TRRAP: variants seen among roughly 807,000 people sequenced by gnomAD.
The protein encoded by TRRAP is transformation/transcription domain associated protein, also known as transformation/transcription domain-associated protein.
In TRRAP, 41 loss-of-function variants were observed where a neutral mutation model predicts 438.8. That is an observed-to-expected ratio of 0.09 (90% CI 0.07 to 0.12). The LOEUF (loss-of-function observed/expected upper bound fraction) is 0.12, where lower values mean the gene tolerates loss of function less well. Ranked by LOEUF, TRRAP falls within the 10% of genes least tolerant of loss-of-function variation. The probability of loss-of-function intolerance (pLI) is 1.00; values close to 1 mark genes in which losing one functional copy is unlikely to be tolerated. For missense variants in TRRAP, 3,122 were observed against 5,055.1 expected, an observed-to-expected ratio of 0.62 and a Z score of 11.60; for synonymous variants, 1,994 against 1,962.9, an observed-to-expected ratio of 1.02 and a Z score of -0.42.
chr7:98,949,815 GGCCTACT>G lies in TRRAP; in HGVS notation c.5114_5120del (p.Tyr1705CysfsTer2). The G allele has an allele frequency of 6.2e-7, 1 of 1,613,618 alleles. No homozygotes were observed. The highest frequency in any genetic ancestry group is 1.3e-5 in the African/African-American group (1 of 75,048). On this transcript the variant is annotated frameshift_variant, in exon 37 of 73. Coordinates refer to ENST00000456197, the MANE Select transcript of TRRAP (RefSeq NM_001375524.1). LOFTEE classifies it high-confidence loss of function. ...CCAACTGGAAGGAGCCCAAGCTGCTGGCCTACTGCCTGCTGAACTACTGCAAGTGGGT... is the reference window on the plus strand; with the variant it reads ...CCAACTGGAAGGAGCCCAAGCTGCTGGCCTGCTGAACTACTGCAAGTGGGT...
Position 98,994,715 on chromosome 7 carries a change from T to C in TRRAP, c.10176T>C (p.Phe3392=). ...LNFVKKLVST[F]GVGLENVSNV... ...TTGTGAAGAAGTTGGTGAGCACGTTTGGGGTGGGCCTGGAGAATGTGTCCA... is the reference window on the plus strand; with the variant it reads ...TTGTGAAGAAGTTGGTGAGCACGTTCGGGGTGGGCCTGGAGAATGTGTCCA... The change falls in exon 67 of 73, where the codon TTT becomes TTC. Residue 3392 remains phenylalanine, a synonymous_variant. Transcript: ENST00000456197. The surrounding 1 kb of genome is among the most constrained non-coding windows in gnomAD (Gnocchi z 4.8). 1 of 1,614,226 alleles carries C rather than the reference T, an allele frequency of 6.2e-7. No homozygotes were observed. The highest frequency in any genetic ancestry group is 1.1e-5 in the South Asian group (1 of 91,082).
chr7:98,911,378 T>C, intron 17 of TRRAP, 107 bp downstream of exon 17: 1 of 1,133,606 alleles, frequency 8.8e-7, no homozygotes, highest in Admixed American at 3.0e-5. Context: ...TAGCCAAGGA[T>C]GTGCTTATAG....
At chr7:98,940,697 T>G (rs1267205645) in intron 30 of TRRAP, among the ~76,000 whole-genome samples, 1 of 152,188 alleles carries the variant, frequency 6.6e-6, no homozygotes. Context: ...ACTGGAGGAG[T>G]TTGCATCCAG....
At chr7:98,889,313 G>T (rs1554404441) in intron 3 of TRRAP, among the ~76,000 whole-genome samples, 1 of 152,086 alleles carries the variant, frequency 6.6e-6, no homozygotes, top group African/African-American at 2.4e-5. Flanking sequence ...ACATGTAAGT[G>T]CTCTGTAAAT....
chr7:98,959,316 G>A (rs186287732), intron 44 of TRRAP, 28 bp from the exon 45 acceptor site: 1 of 1,610,544 alleles, frequency 6.2e-7, no homozygotes, highest in East Asian at 2.2e-5. Flanking sequence ...GCAGTGAAAT[G>A]CCGGCTGTAA....
intron 1 of TRRAP, 138 bp downstream of exon 1, chr7:98,878,775 A>G (rs1024499595): frequency 6.6e-6 from 1 of 151,876 alleles, no homozygotes; most frequent in African/African-American, 2.4e-5. Flanking sequence ...CCTAGGCCCC[A>G]GCCAGAGCCC....
chr7:98,999,924 A>C (rs991726996), intron 67 of TRRAP: 2 of 308,734 alleles, frequency 6.5e-6, no homozygotes, highest in Non-Finnish European at 1.2e-5. Context: ...GTCTTCTGAC[A>C]ACATTTAATT....
At chr7:99,010,039 G>T (rs1395253279) in intron 70 of TRRAP, among the ~76,000 whole-genome samples, 1 of 151,832 alleles carries the variant, frequency 6.6e-6, no homozygotes, top group Non-Finnish European at 1.5e-5. Context: ...AGGTGCCTGT[G>T]ACCACACCTG....
chr7:98,970,051 C>A, intron 51 of TRRAP, 61 bp from the exon 52 acceptor site: 2 of 1,578,336 alleles, frequency 1.3e-6, no homozygotes, highest in South Asian at 1.2e-5. Flanking sequence ...GGAGAGAAGT[C>A]CAGATGCCCT....
chr7:98,943,082 G>A (rs2116574491), intron 31 of TRRAP, 65 bp downstream of exon 31: 1 of 1,556,814 alleles, frequency 6.4e-7, no homozygotes. Context: ...CTAATGCCGG[G>A]ACAGTGCTTT....
intron 40 of TRRAP, among the ~76,000 whole-genome samples, chr7:98,954,036 G>A (rs1554418917): frequency 6.6e-6 from 1 of 152,228 alleles, no homozygotes; most frequent in Non-Finnish European, 1.5e-5. Flanking sequence ...TAATATTCAA[G>A]GGCCCCAGCC....
In TRRAP at chr7:98,950,875, G is replaced by T; in HGVS notation, c.5335-1G>T. 1 of 1,524,704 alleles carries T rather than the reference G, an allele frequency of 6.6e-7. No homozygotes were observed. The highest frequency in any genetic ancestry group is 8.8e-7 in the Non-Finnish European group (1 of 1,140,440). 94.4% of individuals were successfully genotyped at this position (1,524,704 alleles called of 1,614,324 possible). A position where few individuals can be genotyped will look rare whatever the true frequency, so the allele number is the denominator to read the frequency against. ...CTTCTTTATTTAAATTTTTTTTGTA[G>T]GTTCTGCAGCATATCTTGAATCCTG... On this transcript the variant is annotated splice_acceptor_variant, in intron 38 of 72. Transcript: ENST00000456197. LOFTEE classifies it high-confidence loss of function.
At chr7:98,979,292 C>T (rs1792806832) in intron 58 of TRRAP, among the ~76,000 whole-genome samples, 1 of 152,136 alleles carries the variant, frequency 6.6e-6, no homozygotes, top group Non-Finnish European at 1.5e-5. Context: ...TACCAAAATC[C>T]ACGGACACTC....
At position 98,911,254 on chromosome 7, in the gene TRRAP, A is replaced by G; in HGVS notation, c.1990A>G (p.Lys664Glu). The stretch of plus-strand genomic sequence containing the variant: ...CCCTTATATGGTGGAGAGAATCTCA[A>G]AAAATTATGCTCTTCAGGTATAAAA... ...TVPYMVERIS[K>E]NYALQIVANS... The change falls in exon 17 of 73, where the codon AAA becomes GAA. Residue 664 changes from lysine (K) to glutamate (E), a missense_variant. By Grantham distance (56) the Lys-to-Glu change is moderately conservative. Transcript: ENST00000456197. The G allele has an allele frequency of 6.2e-7, 1 of 1,612,054 alleles. No individual in the cohort carries two copies. Among genetic ancestry groups the G allele is most frequent in the Non-Finnish European group, 8.5e-7 (1 of 1,179,030 alleles).
Position 99,012,220 on chromosome 7 carries a change from C to A in TRRAP, c.11487C>A (p.Val3829=). The A allele has an allele frequency of 6.2e-7, 1 of 1,614,126 alleles. No homozygotes were observed. Reference sequence around the variant, plus strand: ...TGGTGTCCCTGGTTCAGAAAGCCGTCACCGCCATCATGACCCGCCTGCACA... The same window carrying A: ...TGGTGTCCCTGGTTCAGAAAGCCGTAACCGCCATCATGACCCGCCTGCACA... ...QQLVSLVQKA[V]TAIMTRLHNL... The change falls in exon 73 of 73, where the codon GTC becomes GTA. Residue 3829 remains valine (V), a synonymous_variant. Coordinates refer to ENST00000456197, the MANE Select transcript of TRRAP (RefSeq NM_001375524.1). The surrounding 1 kb of genome is among the most constrained non-coding windows in gnomAD (Gnocchi z 5.9).
At chr7:98,982,847 C>G (rs538919894) in intron 59 of TRRAP, among the ~76,000 whole-genome samples, 3 of 152,242 alleles carry the variant, frequency 2.0e-5, no homozygotes, top group African/African-American at 7.2e-5. Flanking sequence ...TTAGCAGGCA[C>G]GTTGGGAAAA....
Position 98,950,120 on chromosome 7 carries a change from G to T in TRRAP, c.5192G>T (p.Arg1731Leu). ...LFQLLRAFTG[R>L]FLCNMTFLKE... is the part of the protein sequence containing the mutation. ...CAGCTGCTCCGAGCCTTTACTGGTC[G>T]TTTTCTCTGCAACATGACATTCTTA... Residue 1731 changes from arginine to leucine, a missense_variant, in exon 38 of 73, where the codon CGT (arginine) becomes CTT (leucine). Around this residue, in one of 24 missense-constraint regions of TRRAP, gnomAD observed 272 missense variants for 348.5 expected, o/e 0.78. Coordinates refer to ENST00000456197, the MANE Select transcript of TRRAP (RefSeq NM_001375524.1). The T allele has an allele frequency of 1.2e-6, 2 of 1,614,216 alleles. No homozygotes were observed. Among genetic ancestry groups the T allele is most frequent in the Middle Eastern group, 3.3e-4 (2 of 6,062 alleles).
Position 99,011,966 on chromosome 7 carries a change from G to A in TRRAP, c.11338-105G>A, listed in dbSNP as rs1194021736. On this transcript the variant is annotated intron_variant, in intron 72 of 72. Coordinates refer to ENST00000456197, the MANE Select transcript of TRRAP (RefSeq NM_001375524.1). The surrounding 1 kb of genome is among the most constrained non-coding windows in gnomAD (Gnocchi z 7.1). ...GGTGCTGAAACTCGACTGGCCCTTG[G>A]TGGCCCTGAGCGGCCGCTGTGGTTG... is the stretch of plus-strand genomic sequence containing the variant. The A allele has an allele frequency of 4.9e-6, 7 of 1,434,646 alleles. No homozygotes were observed. Among genetic ancestry groups the A allele is most frequent in the African/African-American group, 2.8e-5 (2 of 71,180 alleles). The allele number at this position is 1,434,646 out of a possible 1,614,324, so 88.9% of individuals were successfully genotyped here. A position where few individuals can be genotyped will look rare whatever the true frequency, so the allele number is the denominator to read the frequency against.
intron 52 of TRRAP, 62 bp downstream of exon 52, chr7:98,970,353 GCAGAA>G (rs1584376412): frequency 6.4e-7 from 1 of 1,571,526 alleles, no homozygotes; most frequent in East Asian, 2.3e-5. Flanking sequence ...CACCCCACGG[GCAGAA>G]TCCCAGAGAG....
Sources: allele counts gnomAD v4.1 joint callset (sites outside exome capture counted in the v4.1 genomes callset), GRCh38; gene constraint gnomAD v4.1.1; regional missense constraint gnomAD v4.1.1; non-coding constraint Gnocchi (gnomAD v3.1); transcripts MANE v1.5; gene names NCBI Gene and HGNC (gene_info 2026-07-23, HGNC 2026-07-21).